SLC2A9: variants seen among roughly 807,000 people sequenced by gnomAD.
SLC2A9 encodes the protein solute carrier family 2 member 9, also known as solute carrier family 2, facilitated glucose transporter member 9.
In SLC2A9, 39 loss-of-function variants were observed where a neutral mutation model predicts 50.6. The ratio of observed to expected loss-of-function variants is 0.77; its 90% CI spans 0.60 to 1.01. The LOEUF (loss-of-function observed/expected upper bound fraction) is 1.01, where lower values mean the gene tolerates loss of function less well. Among genes scored for constraint, SLC2A9 ranks in the 50% least tolerant of loss-of-function variants. The probability of loss-of-function intolerance (pLI) is 0.00; values close to 1 mark genes in which losing one functional copy is unlikely to be tolerated. For missense variants in SLC2A9, 686 were observed against 677.6 expected, an observed-to-expected ratio of 1.01 and a Z score of -0.14; for synonymous variants, 324 against 276.9, an observed-to-expected ratio of 1.17 and a Z score of -1.69.
chr4:9,807,547 C>T (rs753941503), intron 3 of SLC2A9, among the ~76,000 whole-genome samples: 4 of 152,162 alleles, frequency 2.6e-5, no homozygotes, highest in Non-Finnish European at 5.9e-5. Flanking sequence ...CTGGGCCAGG[C>T]CTCTTGCCTT....
intron 3 of SLC2A9, chr4:9,783,504 CAG>C: frequency 1.3e-6 from 2 of 1,541,128 alleles, no homozygotes; most frequent in Non-Finnish European, 1.8e-6. Flanking sequence ...CATAACCGCA[CAG>C]ACATTGACAA....
At chr4:9,943,779 C>A (rs1464194333) in intron 5 of SLC2A9, among the ~76,000 whole-genome samples, 1 of 152,064 alleles carries the variant, frequency 6.6e-6, no homozygotes, top group Non-Finnish European at 1.5e-5. Context: ...GTTTGGCTGC[C>A]GTCTCAGTAA....
chr4:9,885,607 C>T (rs1256932309), intron 10 of SLC2A9, among the ~76,000 whole-genome samples: 1 of 152,200 alleles, frequency 6.6e-6, no homozygotes, highest in Non-Finnish European at 1.5e-5. Context: ...TTATTTTATT[C>T]CCTCTCTAAC....
At chr4:9,802,749 G>A (rs1276311309) in intron 3 of SLC2A9, among the ~76,000 whole-genome samples, 1 of 151,956 alleles carries the variant, frequency 6.6e-6, no homozygotes, top group Middle Eastern at 3.2e-3. Flanking sequence ...TTTTAGTAGA[G>A]ATGGAGTTTC....
At position 9,985,700 on chromosome 4, in the gene SLC2A9, G is replaced by A. The variant is rs3733589; in HGVS notation, c.504C>T (p.Ile168=). The change falls in exon 4 of 12, where the codon ATC becomes ATT. Residue 168 remains isoleucine, a synonymous_variant. Transcript: ENST00000264784. ...SLQAGAFEML[I]VGRFIMGIDG... is the part of the protein sequence containing the mutation. ...CTATGCCCATGATGAAGCGTCCCAC[G>A]ATGAGCATTTCAAAGGCTCCTGCCT... is the stretch of plus-strand genomic sequence containing the variant. 90,337 of 1,613,914 alleles carry A rather than the reference G, an allele frequency of 0.056. 6,141 individuals are homozygous for A. Among genetic ancestry groups the A allele is most frequent in the East Asian group, 0.41 (18,305 of 44,858 alleles).
chr4:9,948,376 C>T (rs890067981), intron 5 of SLC2A9, among the ~76,000 whole-genome samples: 1 of 152,190 alleles, frequency 6.6e-6, no homozygotes, highest in Non-Finnish European at 1.5e-5. Context: ...GTTGTTCAAG[C>T]TCTCCAGGTG....
At chr4:9,899,497 G>A (rs1478756883) in intron 8 of SLC2A9, among the ~76,000 whole-genome samples, 1 of 152,180 alleles carries the variant, frequency 6.6e-6, no homozygotes, top group Non-Finnish European at 1.5e-5. Context: ...GGAAAGCTGT[G>A]GTTATTGCAA....
chr4:9,879,568 A>ATGT, intron 10 of SLC2A9: 1 of 985,350 alleles, frequency 1.0e-6, no homozygotes, highest in Non-Finnish European at 1.2e-6. Flanking sequence ...CCTTTTTCCA[A>ATGT]GCAAGGTATG....
chr4:10,021,814 G>T (rs138003665), upstream of SLC2A9, among the ~76,000 whole-genome samples: 174 of 151,056 alleles, frequency 1.2e-3, no homozygotes, highest in African/African-American at 4.1e-3. Context: ...TCAGAAGCCT[G>T]CATACAGCTC....
At chr4:9,896,546 G>A (rs1738592106) in intron 8 of SLC2A9, among the ~76,000 whole-genome samples, 1 of 152,116 alleles carries the variant, frequency 6.6e-6, no homozygotes, top group Non-Finnish European at 1.5e-5. Context: ...CCATGTCTGT[G>A]ACTTACCTTT....
At chr4:10,008,900 G>GGT (rs1553911924) in intron 2 of SLC2A9, among the ~76,000 whole-genome samples, 15 of 134,866 alleles carry the variant, frequency 1.1e-4, no homozygotes, top group African/African-American at 3.6e-4. Context: ...CTGTGCGGTG[G>GGT]TTTTTTTTTT....
At chr4:10,036,203 A>G (rs987681273) in intron 1 of SLC2A9, 4 of 152,766 alleles carry the variant, frequency 2.6e-5, no homozygotes, top group African/African-American at 9.7e-5. Context: ...AGTAAACTAC[A>G]CTTGAGAAGG....
downstream of SLC2A9, among the ~76,000 whole-genome samples, chr4:9,775,150 G>A (rs1717383854): frequency 6.6e-6 from 1 of 152,208 alleles, no homozygotes; most frequent in Non-Finnish European, 1.5e-5. Context: ...GGCTCACATG[G>A]CCAGCCATTG....
At chr4:10,034,060 C>T (rs1043582657) in intron 1 of SLC2A9, among the ~76,000 whole-genome samples, 5 of 152,258 alleles carry the variant, frequency 3.3e-5, no homozygotes, top group Non-Finnish European at 5.9e-5. Flanking sequence ...TGATCTGAGC[C>T]AGTCCTGACA....
chr4:10,025,624 C>T (rs1763724486), upstream of SLC2A9: 2 of 430,886 alleles, frequency 4.6e-6, no homozygotes, highest in South Asian at 5.8e-5. Flanking sequence ...ACATCAATGT[C>T]CCCTTGTTGA....
At chr4:9,895,509 A>T (rs1738374630) in intron 8 of SLC2A9, among the ~76,000 whole-genome samples, 1 of 152,196 alleles carries the variant, frequency 6.6e-6, no homozygotes, top group Admixed American at 6.5e-5. Context: ...TCAGCTAGGG[A>T]TGACTGTCAA....
chr4:9,799,891 T>C (rs982315353), intron 3 of SLC2A9, among the ~76,000 whole-genome samples: 14 of 152,108 alleles, frequency 9.2e-5, no homozygotes, highest in African/African-American at 3.4e-4. Flanking sequence ...TGGTAATCTA[T>C]CTTATGCAGT....
chr4:9,932,711 T>C (rs950348830), intron 6 of SLC2A9, among the ~76,000 whole-genome samples: 3 of 152,226 alleles, frequency 2.0e-5, no homozygotes, highest in Admixed American at 2.0e-4. Flanking sequence ...CCACTACTTA[T>C]GAACTTGTTG....
At chr4:9,839,134 TAAAC>T (rs896108308) in intron 10 of SLC2A9, among the ~76,000 whole-genome samples, 11 of 151,514 alleles carry the variant, frequency 7.3e-5, no homozygotes, top group Middle Eastern at 3.4e-3. Flanking sequence ...ATATGAAACT[TAAAC>T]AAATTTACAA....
Sources: gnomAD v4.1 joint callset for allele counts (sites outside exome capture counted in the v4.1 genomes callset) on GRCh38, gnomAD v4.1.1 for gene constraint, MANE v1.5 for transcripts, NCBI Gene and HGNC (gene_info 2026-07-23, HGNC 2026-07-21) for gene names.